RGL1: variants seen among roughly 807,000 people sequenced by gnomAD.
The protein encoded by RGL1 is ral guanine nucleotide dissociation stimulator-like 1.
RGL1 carries 24 observed loss-of-function variants against 95.2 expected under a neutral mutation model. That is an observed-to-expected ratio of 0.25 (90% CI 0.18 to 0.35). The LOEUF is 0.35. RGL1 is among the 10% of genes least tolerant of loss of function. RGL1 has a pLI of 1.00. For synonymous variants in RGL1, 329 were observed against 344.9 expected (o/e 0.95, Z 0.51); for missense variants, 715 against 936.3 (o/e 0.76, Z 3.08).
At chr1:183,653,814 T>C (rs1016675917) in intron 1 of RGL1, among the ~76,000 whole-genome samples, 1 of 152,214 alleles carries the variant, frequency 6.6e-6, no homozygotes. Context: ...TGTTCCAGGA[T>C]CGGTTGTAGC....
rs1487537624 is a variant in RGL1, at chr1:183,823,620, A to G, written c.138+17135A>G. Among the ~76,000 whole-genome samples, 3 of 152,290 alleles carry G rather than the reference A, an allele frequency of 2.0e-5. No homozygotes were observed. In the East Asian group the frequency reaches 5.8e-4, roughly 29 times the overall value. ...ATTCCGTGACATCTGATTTGGATAC[A>G]TATCTAGGCAACTCTACAATTATTC... On this transcript the variant is annotated intron_variant, in intron 2 of 17. Coordinates refer to ENST00000360851, the MANE Select transcript of RGL1 (RefSeq NM_001297671.3).
At chr1:183,829,152 A>G (rs1663084849) in intron 2 of RGL1, among the ~76,000 whole-genome samples, 1 of 152,100 alleles carries the variant, frequency 6.6e-6, no homozygotes, top group African/African-American at 2.4e-5. Flanking sequence ...GGTGATTCTG[A>G]TGAAGGTGGA....
At chr1:183,675,668 A>G (rs1652781972) in intron 1 of RGL1, among the ~76,000 whole-genome samples, 1 of 152,230 alleles carries the variant, frequency 6.6e-6, no homozygotes, top group South Asian at 2.1e-4. Context: ...ATCCCTTACA[A>G]TTTTGAACAG....
intron 1 of RGL1, among the ~76,000 whole-genome samples, chr1:183,638,536 G>T (rs1343581382): frequency 6.6e-6 from 1 of 152,080 alleles, no homozygotes; most frequent in African/African-American, 2.4e-5. Flanking sequence ...AGCTTTAAGA[G>T]AAATTTTTGT....
chr1:183,874,074 C>T (rs1027424872), intron 4 of RGL1, among the ~76,000 whole-genome samples: 5 of 152,096 alleles, frequency 3.3e-5, no homozygotes, highest in Admixed American at 1.3e-4. Flanking sequence ...TGGTGACTGG[C>T]GATGTCCTTT....
intron 9 of RGL1, among the ~76,000 whole-genome samples, chr1:183,895,845 G>T (rs1300228625): frequency 6.6e-6 from 1 of 152,148 alleles, no homozygotes; most frequent in East Asian, 1.9e-4. Flanking sequence ...TCATTCTCAT[G>T]AAATCATAAA....
intron 2 of RGL1, among the ~76,000 whole-genome samples, chr1:183,777,064 A>T (rs1396954023): frequency 6.6e-6 from 1 of 152,194 alleles, no homozygotes; most frequent in Non-Finnish European, 1.5e-5. Flanking sequence ...ACTTTTATAG[A>T]TGGATCGAAG....
At chr1:183,680,950 G>T (rs940317284) in intron 1 of RGL1, among the ~76,000 whole-genome samples, 1 of 152,096 alleles carries the variant, frequency 6.6e-6, no homozygotes, top group African/African-American at 2.4e-5. Flanking sequence ...ATTGTGAATG[G>T]GAGTTCACTC....
At chr1:183,792,288 C>T (rs1030425349) in intron 2 of RGL1, among the ~76,000 whole-genome samples, 1 of 151,918 alleles carries the variant, frequency 6.6e-6, no homozygotes, top group Non-Finnish European at 1.5e-5. Context: ...ATTTCAAAAC[C>T]CTGATATTGC....
chr1:183,902,667 A>C (rs1452862213), intron 12 of RGL1, 67 bp downstream of exon 12: 9 of 1,514,440 alleles, frequency 5.9e-6, no homozygotes, highest in African/African-American at 1.4e-5. Context: ...ATGGGGACTT[A>C]AGTTTTTTTG....
chr1:183,747,928 C>A (rs1007654050), intron 2 of RGL1, among the ~76,000 whole-genome samples: 7 of 152,170 alleles, frequency 4.6e-5, no homozygotes, highest in African/African-American at 1.7e-4. Context: ...CCTCTTTGTA[C>A]CTCTGGTGGA....
At position 183,668,935 on chromosome 1, in the gene RGL1, CTTTTCTTTTTTTT is replaced by C. The variant is rs1382491282; in HGVS notation, c.-33+32439_-33+32451del. ...CTTTTTGCTTTTGGTATTGGACTTT[CTTTTCTTTTTTTT>C]TTTTTTTGAGATGGAGTCTCACTCT... On this transcript the variant is annotated intron_variant, in intron 1 of 18. Transcript: ENST00000304685. Among the ~76,000 whole-genome samples, 3 of 115,560 alleles carry C rather than the reference CTTTTCTTTTTTTT, an allele frequency of 2.6e-5. No homozygotes were observed. The East Asian group carries it at 7.5e-4, about 29-fold the overall frequency. The allele number at this position is 115,560 out of a possible 152,430, so 75.8% of individuals were successfully genotyped here. A position where few individuals can be genotyped will look rare whatever the true frequency, so the allele number is the denominator to read the frequency against.
intron 2 of RGL1, among the ~76,000 whole-genome samples, chr1:183,830,746 G>A (rs899360518): frequency 2.6e-5 from 4 of 151,500 alleles, no homozygotes; most frequent in African/African-American, 9.7e-5. Flanking sequence ...AGAATTAATT[G>A]GTCTTCAAAA....
intron 1 of RGL1, chr1:183,648,543 T>C (rs1377235123): frequency 1.2e-6 from 2 of 1,614,234 alleles, no homozygotes; most frequent in African/African-American, 2.7e-5. Context: ...ATGGCCCTTT[T>C]GCACCAGGCT....
intron 1 of RGL1, among the ~76,000 whole-genome samples, chr1:183,669,656 G>A (rs1652303550): frequency 6.6e-6 from 1 of 152,202 alleles, no homozygotes; most frequent in African/African-American, 2.4e-5. Flanking sequence ...GTGGTAAGGT[G>A]TAGGAAGAAG....
At chr1:183,831,936 G>T (rs1663286356) in intron 2 of RGL1, among the ~76,000 whole-genome samples, 1 of 152,106 alleles carries the variant, frequency 6.6e-6, no homozygotes, top group African/African-American at 2.4e-5. Context: ...TCTTTTGGTG[G>T]GCATATACAC....
intron 8 of RGL1, among the ~76,000 whole-genome samples, chr1:183,891,740 T>G (rs989015647): frequency 2.2e-4 from 10 of 46,178 alleles, no homozygotes; most frequent in Middle Eastern, 6.7e-3. Flanking sequence ...ACAGTTTTTT[T>G]TTTTTTTTTT....
intron 4 of RGL1, among the ~76,000 whole-genome samples, chr1:183,870,191 T>G (rs1043336422): frequency 2.0e-5 from 3 of 149,208 alleles, no homozygotes; most frequent in Non-Finnish European, 4.5e-5. Context: ...GGACAGGGGC[T>G]TTGTAGTCCT....
chr1:183,761,397 G>GT (rs1339679128), intron 2 of RGL1, among the ~76,000 whole-genome samples: 1 of 152,212 alleles, frequency 6.6e-6, no homozygotes, highest in Non-Finnish European at 1.5e-5. Context: ...TGGCTCTTGG[G>GT]TGACCAGCCA....
Sources: gnomAD v4.1 joint callset for allele counts (sites outside exome capture counted in the v4.1 genomes callset) on GRCh38, gnomAD v4.1.1 for gene constraint, MANE v1.5 for transcripts, NCBI Gene and HGNC (gene_info 2026-07-23, HGNC 2026-07-21) for gene names.